Variants in ANKFN1 observed in about 807,000 individuals in gnomAD.
The protein encoded by ANKFN1 is ankyrin repeat and fibronectin type III domain containing 1, also known as ankyrin repeat and fibronectin type-III domain-containing protein 1.
In ANKFN1, 74 loss-of-function variants were observed where a neutral mutation model predicts 108.7. The ratio of observed to expected loss-of-function variants is 0.68; its 90% CI spans 0.56 to 0.83. The LOEUF (loss-of-function observed/expected upper bound fraction) is 0.83. Ranked by LOEUF, ANKFN1 falls within the 40% of genes least tolerant of loss-of-function variation. ANKFN1 has a pLI of 0.00. For synonymous variants in ANKFN1, 547 were observed against 516.2 expected (o/e 1.06, Z -0.81); for missense variants, 1,505 against 1,382.3 (o/e 1.09, Z -1.41).
chr17:56,401,269 G>A (rs1214927548), intron 8 of ANKFN1, among the ~76,000 whole-genome samples: 3 of 151,904 alleles, frequency 2.0e-5, no homozygotes, highest in Middle Eastern at 3.4e-3. Flanking sequence ...TCTTTCAGCA[G>A]TGTTTTTAGT....
In ANKFN1 at chr17:56,163,825, C is replaced by T. The variant is rs571929692; in HGVS notation, c.-71+10295C>T. Among the ~76,000 whole-genome samples the T allele has an allele frequency of 2.8e-4, 43 of 152,286 alleles. No individual in the cohort carries two copies. The South Asian group carries it at 8.7e-3, about 31-fold the overall frequency. Reference sequence around the variant, plus strand: ...TTAGAAGACAATCTGAACAAACACACAAGCTACATGACTGAAGGTGCCAAC... The same window carrying T: ...TTAGAAGACAATCTGAACAAACACATAAGCTACATGACTGAAGGTGCCAAC... On this transcript the variant is annotated intron_variant, in intron 1 of 20. Coordinates refer to ENST00000682825, the MANE Select transcript of ANKFN1 (RefSeq NM_001370326.1).
intron 20 of ANKFN1, among the ~76,000 whole-genome samples, chr17:56,507,659 T>G (rs1431911664): frequency 6.6e-6 from 1 of 152,202 alleles, no homozygotes. Context: ...AGGACTGAAA[T>G]TTAACTCCTT....
At chr17:56,419,260 T>A (rs1382191949) in intron 8 of ANKFN1, among the ~76,000 whole-genome samples, 1 of 152,060 alleles carries the variant, frequency 6.6e-6, no homozygotes, top group Non-Finnish European at 1.5e-5. Flanking sequence ...GGCGGGCAGA[T>A]CACCTGTGGT....
chr17:56,481,547 G>A (rs2050703326), intron 17 of ANKFN1, among the ~76,000 whole-genome samples: 1 of 151,796 alleles, frequency 6.6e-6, no homozygotes. Context: ...AGTTTAGCCT[G>A]TAAACTGGGA....
At chr17:56,298,035 G>A (rs2044563738) in intron 3 of ANKFN1, among the ~76,000 whole-genome samples, 1 of 152,176 alleles carries the variant, frequency 6.6e-6, no homozygotes, top group African/African-American at 2.4e-5. Flanking sequence ...TGGACTAGAA[G>A]CAGCAGCATC....
chr17:56,180,691 T>C (rs1911606775), intron 1 of ANKFN1, among the ~76,000 whole-genome samples: 1 of 152,182 alleles, frequency 6.6e-6, no homozygotes, highest in African/African-American at 2.4e-5. Flanking sequence ...TCTAAGCATA[T>C]TTTTCACCAG....
chr17:56,387,493 T>C (rs1340400029), intron 8 of ANKFN1, among the ~76,000 whole-genome samples: 2 of 152,240 alleles, frequency 1.3e-5, no homozygotes, highest in African/African-American at 4.8e-5. Flanking sequence ...AATTTTATTA[T>C]GCACATATCA....
chr17:56,324,236 G>A (rs945266541), intron 3 of ANKFN1, among the ~76,000 whole-genome samples: 1 of 152,122 alleles, frequency 6.6e-6, no homozygotes, highest in Non-Finnish European at 1.5e-5. Context: ...GGTATGTCAG[G>A]GAGTTTATAC....
intron 4 of ANKFN1, among the ~76,000 whole-genome samples, chr17:56,120,846 A>G (rs1906571408): frequency 6.6e-6 from 1 of 152,130 alleles, no homozygotes; most frequent in Admixed American, 6.6e-5. Flanking sequence ...CCAGACTAAT[A>G]TTAGAATTAG....
chr17:56,130,355 A>C (rs1309843459), intron 4 of ANKFN1, among the ~76,000 whole-genome samples: 2 of 152,210 alleles, frequency 1.3e-5, no homozygotes, highest in East Asian at 3.8e-4. Context: ...TCTAGATGAC[A>C]ACAAGTTTAC....
At chr17:56,181,833 G>A (rs1911704562) in intron 1 of ANKFN1, among the ~76,000 whole-genome samples, 1 of 152,116 alleles carries the variant, frequency 6.6e-6, no homozygotes, top group African/African-American at 2.4e-5. Context: ...GAAGGTTTGT[G>A]ACAACCCTGC....
chr17:56,203,583 G>A (rs1045114031), intron 1 of ANKFN1, among the ~76,000 whole-genome samples: 2 of 152,168 alleles, frequency 1.3e-5, no homozygotes, highest in African/African-American at 4.8e-5. Context: ...TGGTTGCCAT[G>A]CCAGAGGGCA....
chr17:56,047,647 G>A (rs974150234), intron 4 of ANKFN1, among the ~76,000 whole-genome samples: 2 of 151,806 alleles, frequency 1.3e-5, no homozygotes, highest in African/African-American at 4.8e-5. Context: ...TTTCACTGAA[G>A]CAGTTCTCCC....
chr17:56,445,211 A>G (rs2049244072), intron 10 of ANKFN1, among the ~76,000 whole-genome samples: 1 of 152,248 alleles, frequency 6.6e-6, no homozygotes, highest in Non-Finnish European at 1.5e-5. Flanking sequence ...CAGAAAATGC[A>G]CAAAAATGCT....
intron 15 of ANKFN1, among the ~76,000 whole-genome samples, chr17:56,475,956 C>G (rs1033822258): frequency 1.3e-5 from 2 of 152,146 alleles, no homozygotes; most frequent in Non-Finnish European, 2.9e-5. Flanking sequence ...GGAAGTATGC[C>G]TGAGAGGCCT....
intron 14 of ANKFN1, among the ~76,000 whole-genome samples, chr17:56,460,050 G>T (rs2049847652): frequency 1.3e-5 from 1 of 76,928 alleles, no homozygotes; most frequent in Admixed American, 1.6e-4. Context: ...GTTACACATT[G>T]CCACATAAAA....
chr17:56,482,341 C>G lies in ANKFN1; in HGVS notation c.2092-15C>G. The G allele has an allele frequency of 1.3e-6, 2 of 1,579,448 alleles. No homozygotes were observed. Among genetic ancestry groups the G allele is most frequent in the South Asian group, 2.4e-5 (2 of 84,874 alleles). On this transcript the variant is annotated splice_polypyrimidine_tract_variant and intron_variant, in intron 17 of 20. Coordinates refer to ENST00000682825, the MANE Select transcript of ANKFN1 (RefSeq NM_001370326.1). ...GTAACTCTCCTATTTTTCCTCCGCG[C>G]GTGTCCCTCTGCAGGCAAGGAACTT...
chr17:56,338,417 A>G (rs1240491025), intron 4 of ANKFN1, among the ~76,000 whole-genome samples: 3 of 152,052 alleles, frequency 2.0e-5, no homozygotes, highest in Non-Finnish European at 2.9e-5. Context: ...AAACCTGTAC[A>G]TTGTGCACAT....
At chr17:56,251,237 C>A (rs574120133) in intron 3 of ANKFN1, among the ~76,000 whole-genome samples, 2 of 152,184 alleles carry the variant, frequency 1.3e-5, no homozygotes, top group South Asian at 4.1e-4. Context: ...ACTAAAAATA[C>A]AAAACATTAG....
Sources: gnomAD v4.1 joint callset for allele counts (sites outside exome capture counted in the v4.1 genomes callset) on GRCh38, gnomAD v4.1.1 for gene constraint, MANE v1.5 for transcripts, NCBI Gene and HGNC (gene_info 2026-07-23, HGNC 2026-07-21) for gene names.